RANBP2: variants seen among roughly 807,000 people sequenced by gnomAD.
The protein encoded by RANBP2 is RAN binding protein 2, also known as E3 SUMO-protein ligase RanBP2.
RANBP2 carries 57 observed loss-of-function variants against 303.6 expected under a neutral mutation model. The ratio of observed to expected loss-of-function variants is 0.19; its 90% confidence interval spans 0.15 to 0.23. RANBP2 has a LOEUF of 0.23. Ranked by LOEUF, RANBP2 falls within the 10% of genes least tolerant of loss-of-function variation. The pLI, the probability that RANBP2 is intolerant of heterozygous loss-of-function variation, is 1.00. For synonymous variants in RANBP2, 1,167 were observed against 1,301.5 expected, an observed-to-expected ratio of 0.90 and a Z score of 2.23; for missense variants, 3,138 against 3,780.8, an observed-to-expected ratio of 0.83 and a Z score of 4.46.
the RANBP2 span, among the ~76,000 whole-genome samples, chr2:108,859,704 C>T: frequency 7.9e-5 from 12 of 152,120 alleles, no homozygotes; most frequent in East Asian, 1.7e-3. Context: ...TTACTATAGC[C>T]TTGTAGTATA....
chr2:108,721,108 G>T (rs988663323), intron 1 of RANBP2, among the ~76,000 whole-genome samples: 1 of 152,096 alleles, frequency 6.6e-6, no homozygotes, highest in African/African-American at 2.4e-5. Flanking sequence ...TATAATAGTA[G>T]CATAATTGTG....
the RANBP2 span, among the ~76,000 whole-genome samples, chr2:108,966,930 T>C: frequency 2.6e-5 from 4 of 152,212 alleles, no homozygotes; most frequent in South Asian, 6.2e-4. Flanking sequence ...CAGCCAATTG[T>C]GCATGGGTTT....
the RANBP2 span, among the ~76,000 whole-genome samples, chr2:109,200,779 G>A: frequency 1.3e-5 from 2 of 152,302 alleles, no homozygotes; most frequent in Admixed American, 1.3e-4. Flanking sequence ...GTCCTTTAGG[G>A]CCGGCTGAGC....
At chr2:109,425,698 G>GAAA in the RANBP2 span, among the ~76,000 whole-genome samples, 3,322 of 151,570 alleles carry the variant, frequency 0.022, 43 homozygotes, top group Middle Eastern at 0.058. Flanking sequence ...CTACTGCTCA[G>GAAA]AAAAAAAAGA....
chr2:108,910,361 G>A, the RANBP2 span: 4 of 980,184 alleles, frequency 4.1e-6, no homozygotes, highest in South Asian at 2.7e-5. Flanking sequence ...TAGTGTCCCA[G>A]GCTAGCCTGT....
intron 1 of RANBP2, among the ~76,000 whole-genome samples, chr2:108,725,549 C>G (rs1694632132): frequency 6.6e-6 from 1 of 152,132 alleles, no homozygotes; most frequent in Admixed American, 6.5e-5. Flanking sequence ...ATCACAAGGT[C>G]AAGAGATCGA....
chr2:109,692,056 A>G, the RANBP2 span, among the ~76,000 whole-genome samples: 34 of 152,180 alleles, frequency 2.2e-4, no homozygotes, highest in African/African-American at 7.5e-4. Flanking sequence ...TGCTGGGATT[A>G]CAGGCGTGAG....
the RANBP2 span, among the ~76,000 whole-genome samples, chr2:109,283,970 C>G: frequency 6.6e-6 from 1 of 152,186 alleles, no homozygotes; most frequent in Non-Finnish European, 1.5e-5. Context: ...GTCCCCACAC[C>G]TCTGCCCGTG....
the RANBP2 span, chr2:109,251,647 T>C: frequency 1.5e-6 from 2 of 1,378,044 alleles, no homozygotes; most frequent in Non-Finnish European, 2.1e-6. Flanking sequence ...GGAACGAGTA[T>C]AAATAATGGC....
chr2:109,634,939 G>T, the RANBP2 span, among the ~76,000 whole-genome samples: 1 of 151,974 alleles, frequency 6.6e-6, no homozygotes, highest in African/African-American at 2.4e-5. Flanking sequence ...TACTTATTTT[G>T]TCATCTACCA....
chr2:109,442,537 A>G, the RANBP2 span, among the ~76,000 whole-genome samples: 5 of 152,138 alleles, frequency 3.3e-5, no homozygotes, highest in African/African-American at 1.2e-4. Flanking sequence ...CTAGTTTGGG[A>G]TTTAAAACTC....
the RANBP2 span, among the ~76,000 whole-genome samples, chr2:109,253,310 C>T: frequency 1.3e-5 from 2 of 152,312 alleles, no homozygotes; most frequent in African/African-American, 2.4e-5. Flanking sequence ...TGAGCCACTG[C>T]GCCCGGCCTA....
chr2:109,692,471 A>T, the RANBP2 span, among the ~76,000 whole-genome samples: 1 of 152,162 alleles, frequency 6.6e-6, no homozygotes, highest in Non-Finnish European at 1.5e-5. Context: ...ATCTCAATAA[A>T]AATCAAATGT....
At chr2:108,809,504 C>T in the RANBP2 span, among the ~76,000 whole-genome samples, 10 of 148,414 alleles carry the variant, frequency 6.7e-5, no homozygotes, top group Non-Finnish European at 3.0e-5. Context: ...CAGTTTCATT[C>T]ATCAGTGTTT....
chr2:109,441,082 ATTAATTTATCTTTGT>A, the RANBP2 span, among the ~76,000 whole-genome samples: 8 of 150,778 alleles, frequency 5.3e-5, no homozygotes, highest in African/African-American at 2.0e-4. Context: ...ACTATTTCTG[ATTAATTTATCTTTGT>A]CCCAGAACAA....
the RANBP2 span, among the ~76,000 whole-genome samples, chr2:109,599,256 G>C: frequency 6.6e-6 from 1 of 151,834 alleles, no homozygotes. Flanking sequence ...TCAGGAGTTT[G>C]AGACCAGCCT....
the RANBP2 span, among the ~76,000 whole-genome samples, chr2:109,554,914 T>A: frequency 6.6e-6 from 1 of 152,186 alleles, no homozygotes; most frequent in Non-Finnish European, 1.5e-5. Context: ...CATCTTTCAC[T>A]CTTCCCTTAC....
chr2:109,054,726 G>A, the RANBP2 span, among the ~76,000 whole-genome samples: 3 of 150,888 alleles, frequency 2.0e-5, no homozygotes, highest in Non-Finnish European at 2.9e-5. Flanking sequence ...AGTTTGGCAA[G>A]CCAAGTTTGG....
chr2:109,509,133 C>T, the RANBP2 span, among the ~76,000 whole-genome samples: 1 of 152,220 alleles, frequency 6.6e-6, no homozygotes, highest in African/African-American at 2.4e-5. Context: ...CCACTCTACT[C>T]ATTCATTCAA....
Sources: allele counts gnomAD v4.1 joint callset (sites outside exome capture counted in the v4.1 genomes callset), GRCh38; gene constraint gnomAD v4.1.1; transcripts MANE v1.5; gene names NCBI Gene and HGNC (gene_info 2026-07-23, HGNC 2026-07-21).